The following KCNH7 variants were observed in gnomAD, a reference collection of about 807,000 sequenced individuals.
KCNH7 encodes potassium voltage-gated channel subfamily H member 7, also known as voltage-gated inwardly rectifying potassium channel KCNH7.
In KCNH7, 49 loss-of-function variants were observed where a neutral mutation model predicts 120.8. The ratio of observed to expected loss-of-function variants is 0.41; its 90% CI spans 0.32 to 0.51. The LOEUF (loss-of-function observed/expected upper bound fraction) is 0.51. Ranked by LOEUF, KCNH7 falls within the 20% of genes least tolerant of loss-of-function variation. The pLI is 0.38. For missense variants in KCNH7, 1,097 were observed against 1,446.6 expected, an observed-to-expected ratio of 0.76 and a Z score of 3.92; for synonymous variants, 547 against 516.1, an observed-to-expected ratio of 1.06 and a Z score of -0.81.
At chr2:162,385,809 A>T (rs1163899522) in intron 12 of KCNH7, among the ~76,000 whole-genome samples, 1 of 151,894 alleles carries the variant, frequency 6.6e-6, no homozygotes, top group Non-Finnish European at 1.5e-5. Context: ...CAGTGTGCTT[A>T]CTTGGTTATT....
chr2:162,721,805 T>C (rs1168008886), intron 2 of KCNH7, among the ~76,000 whole-genome samples: 1 of 152,086 alleles, frequency 6.6e-6, no homozygotes, highest in African/African-American at 2.4e-5. Context: ...TTCAAATAAG[T>C]ATCTGATTAT....
At chr2:162,628,018 C>A (rs1321433729) in intron 2 of KCNH7, among the ~76,000 whole-genome samples, 2 of 151,974 alleles carry the variant, frequency 1.3e-5, no homozygotes, top group Non-Finnish European at 2.9e-5. Context: ...TTTTACAAAA[C>A]CAAGAACACT....
At chr2:162,639,312 G>A (rs1684069093) in intron 2 of KCNH7, among the ~76,000 whole-genome samples, 1 of 152,188 alleles carries the variant, frequency 6.6e-6, no homozygotes, top group Non-Finnish European at 1.5e-5. Context: ...AGATAGGTAG[G>A]CACTTTTATT....
chr2:162,606,491 T>C (rs571185328), intron 2 of KCNH7, among the ~76,000 whole-genome samples: 1 of 152,320 alleles, frequency 6.6e-6, no homozygotes, highest in African/African-American at 2.4e-5. Flanking sequence ...GTTTCTTAAA[T>C]TATTTTATTC....
intron 2 of KCNH7, among the ~76,000 whole-genome samples, chr2:162,679,799 C>T (rs904810861): frequency 4.0e-5 from 6 of 151,632 alleles, no homozygotes; most frequent in Admixed American, 3.3e-4. Flanking sequence ...TTTCTACACC[C>T]CACATTTCTC....
In KCNH7 at chr2:162,573,059, T is replaced by TA. The variant is rs1029995499; in HGVS notation, c.308-35980dup. On this transcript the variant is annotated intron_variant, in intron 2 of 15. Transcript: ENST00000332142. ...ACTTAAAGTATAATAATAACACACT[T>TA]AAAAAAAAAGGTCATGAAATTACAA... Among the ~76,000 whole-genome samples the TA allele has an allele frequency of 2.7e-3, 410 of 151,500 alleles. 1 individual carries two copies. Among genetic ancestry groups the TA allele is most frequent in the African/African-American group, 9.4e-3 (387 of 41,388 alleles).
chr2:162,526,056 C>A (rs917140890), intron 3 of KCNH7, among the ~76,000 whole-genome samples: 1 of 151,866 alleles, frequency 6.6e-6, no homozygotes, highest in Non-Finnish European at 1.5e-5. Flanking sequence ...AATAAAGGGA[C>A]AGAGTACAAA....
At chr2:162,477,130 A>G (rs150434648) in intron 6 of KCNH7, among the ~76,000 whole-genome samples, 1 of 152,386 alleles carries the variant, frequency 6.6e-6, no homozygotes, top group East Asian at 1.9e-4. Context: ...AGAGAAGTAT[A>G]AAATTCTTGC....
At chr2:162,832,985 A>G (rs1214438917) in intron 2 of KCNH7, among the ~76,000 whole-genome samples, 1 of 151,932 alleles carries the variant, frequency 6.6e-6, no homozygotes, top group African/African-American at 2.4e-5. Flanking sequence ...TACATTTCTG[A>G]TCTGTTAGTA....
At chr2:162,564,160 C>T (rs1013775618) in intron 2 of KCNH7, among the ~76,000 whole-genome samples, 2 of 151,932 alleles carry the variant, frequency 1.3e-5, no homozygotes, top group African/African-American at 4.8e-5. Flanking sequence ...ATATGTTGCT[C>T]CTTTGATCCT....
intron 2 of KCNH7, among the ~76,000 whole-genome samples, chr2:162,639,536 A>G (rs763158082): frequency 5.3e-5 from 8 of 152,102 alleles, no homozygotes; most frequent in Non-Finnish European, 8.8e-5. Flanking sequence ...TTTTCAGTAT[A>G]GTCTTTACCT....
intron 14 of KCNH7, among the ~76,000 whole-genome samples, chr2:162,379,635 A>G (rs1454369464): frequency 1.3e-5 from 2 of 152,194 alleles, no homozygotes; most frequent in Non-Finnish European, 2.9e-5. Flanking sequence ...ATGACAAAGA[A>G]AAAAATAGGA....
intron 6 of KCNH7, among the ~76,000 whole-genome samples, chr2:162,460,519 A>G (rs1435990475): frequency 5.3e-5 from 8 of 152,174 alleles, no homozygotes; most frequent in Non-Finnish European, 1.0e-4. Flanking sequence ...AAATACAGAG[A>G]CAGAAACCCA....
intron 4 of KCNH7, among the ~76,000 whole-genome samples, chr2:162,512,900 T>G (rs113192263): frequency 0.013 from 1,942 of 151,832 alleles, 49 homozygotes; most frequent in African/African-American, 0.043. Context: ...TGTGAAGCAT[T>G]TATCTCAATT....
At chr2:162,466,694 T>C (rs570924830) in intron 6 of KCNH7, among the ~76,000 whole-genome samples, 1 of 152,332 alleles carries the variant, frequency 6.6e-6, no homozygotes, top group South Asian at 2.1e-4. Context: ...GTTACTTCAC[T>C]GGTAACTTGT....
At chr2:162,635,557 C>T (rs1683925886) in intron 2 of KCNH7, among the ~76,000 whole-genome samples, 1 of 151,946 alleles carries the variant, frequency 6.6e-6, no homozygotes, top group Non-Finnish European at 1.5e-5. Context: ...TTACACCCAC[C>T]CACACAGGCC....
chr2:162,430,260 T>G (rs903312102), intron 8 of KCNH7, among the ~76,000 whole-genome samples: 1 of 152,058 alleles, frequency 6.6e-6, no homozygotes, highest in Admixed American at 6.6e-5. Context: ...CACATCTATG[T>G]GAGCTCTGGA....
intron 6 of KCNH7, among the ~76,000 whole-genome samples, chr2:162,456,706 A>G (rs2105590292): frequency 6.6e-6 from 1 of 152,244 alleles, no homozygotes; most frequent in Middle Eastern, 3.4e-3. Context: ...GTGCATATAT[A>G]TTTAGGATAG....
At chr2:162,456,490 G>T (rs1688968309) in intron 6 of KCNH7, among the ~76,000 whole-genome samples, 1 of 152,016 alleles carries the variant, frequency 6.6e-6, no homozygotes, top group Non-Finnish European at 1.5e-5. Context: ...CTACTGATTT[G>T]GGGTGGAGAG....
Sources: gnomAD v4.1 joint callset for allele counts (sites outside exome capture counted in the v4.1 genomes callset) on GRCh38, gnomAD v4.1.1 for gene constraint, MANE v1.5 for transcripts, NCBI Gene and HGNC (gene_info 2026-07-23, HGNC 2026-07-21) for gene names.